The following CRADD variants were observed in gnomAD, a reference collection of about 807,000 sequenced individuals.
The protein encoded by CRADD is CARD and death domain containing adaptor protein, also known as death domain-containing protein CRADD.
CRADD carries 9 observed loss-of-function variants against 15.5 expected under a neutral mutation model. The ratio of observed to expected loss-of-function variants is 0.58; its 90% CI spans 0.35 to 1.01. The LOEUF (loss-of-function observed/expected upper bound fraction) is 1.01. Ranked by LOEUF, CRADD falls within the 50% of genes least tolerant of loss-of-function variation. The pLI, the probability that CRADD is intolerant of heterozygous loss-of-function variation, is 0.02. For synonymous variants in CRADD, 118 were observed against 107.6 expected (o/e 1.10, Z -0.60); for missense variants, 227 against 250.3 (o/e 0.91, Z 0.63).
chr12:93,812,422 C>G (rs1433921592), intron 2 of CRADD, among the ~76,000 whole-genome samples: 4 of 151,914 alleles, frequency 2.6e-5, no homozygotes, highest in Non-Finnish European at 5.9e-5. Flanking sequence ...AATTCATAAT[C>G]CTAGCACTTT....
chr12:93,827,138 C>T (rs1379648620), intron 2 of CRADD, among the ~76,000 whole-genome samples: 2 of 152,178 alleles, frequency 1.3e-5, no homozygotes, highest in Non-Finnish European at 2.9e-5. Flanking sequence ...CACACTTATA[C>T]ACCCATGAAA....
chr12:93,803,471 A>G (rs1248021554), intron 2 of CRADD, among the ~76,000 whole-genome samples: 1 of 152,150 alleles, frequency 6.6e-6, no homozygotes, highest in Admixed American at 6.5e-5. Context: ...TATCTACTGT[A>G]GTTGAGGCCA....
At chr12:93,875,084 A>G (rs190493718) in intron 2 of CRADD, among the ~76,000 whole-genome samples, 6 of 152,128 alleles carry the variant, frequency 3.9e-5, no homozygotes, top group Admixed American at 1.3e-4. Context: ...TTTGTTTTAT[A>G]TATCTGGATG....
intron 2 of CRADD, among the ~76,000 whole-genome samples, chr12:93,696,224 C>T (rs997412132): frequency 2.0e-5 from 3 of 152,060 alleles, no homozygotes; most frequent in African/African-American, 7.2e-5. Flanking sequence ...CTTAGCAATC[C>T]CACTACTGGG....
intron 2 of CRADD, among the ~76,000 whole-genome samples, chr12:93,883,013 C>G (rs940684265): frequency 6.6e-6 from 1 of 152,102 alleles, no homozygotes; most frequent in South Asian, 2.1e-4. Flanking sequence ...AGTGGCAACA[C>G]GAAGAGACTT....
chr12:93,818,706 G>A lies in CRADD; in HGVS notation c.299-31264G>A, dbSNP rs57942655. ...GGAGTGTCCCCAGACCCCTGGCAGG[G>A]AGCAGACAGTGGCTGTTCTCTGACA... On this transcript the variant is annotated intron_variant, in intron 2 of 2. Transcript: ENST00000332896. Among the ~76,000 whole-genome samples the A allele has an allele frequency of 3.5e-3, 528 of 152,348 alleles. 2 individuals carry two copies. The highest frequency in any genetic ancestry group is 0.012 in the African/African-American group (489 of 41,584).
At chr12:93,811,831 C>T (rs181559271) in intron 2 of CRADD, among the ~76,000 whole-genome samples, 15 of 152,280 alleles carry the variant, frequency 9.9e-5, no homozygotes, top group East Asian at 1.9e-4. Flanking sequence ...CAAAAACCTG[C>T]GCACACAAAT....
intron 2 of CRADD, among the ~76,000 whole-genome samples, chr12:93,797,013 T>A (rs1957425971): frequency 6.6e-6 from 1 of 152,160 alleles, no homozygotes; most frequent in Non-Finnish European, 1.5e-5. Flanking sequence ...CTCCTCTTCC[T>A]TACAAATATT....
chr12:93,791,242 A>G (rs1378769667), intron 2 of CRADD, among the ~76,000 whole-genome samples: 1 of 152,194 alleles, frequency 6.6e-6, no homozygotes, highest in African/African-American at 2.4e-5. Flanking sequence ...AGCATCATTC[A>G]TAATAGCCAA....
intron 2 of CRADD, among the ~76,000 whole-genome samples, chr12:93,782,351 G>A (rs1424846740): frequency 6.7e-6 from 1 of 149,372 alleles, no homozygotes; most frequent in Non-Finnish European, 1.5e-5. Flanking sequence ...GTGGGGTTGG[G>A]GGAGGGGGGA....
At chr12:93,846,876 G>A (rs766467057) in intron 2 of CRADD, among the ~76,000 whole-genome samples, 8 of 152,118 alleles carry the variant, frequency 5.3e-5, no homozygotes, top group Non-Finnish European at 7.4e-5. Flanking sequence ...TGAGGCAGGC[G>A]GATCACAAGG....
chr12:93,868,746 A>G (rs1958392960), intron 2 of CRADD, among the ~76,000 whole-genome samples: 1 of 151,902 alleles, frequency 6.6e-6, no homozygotes, highest in Non-Finnish European at 1.5e-5. Context: ...AAACTGGAGG[A>G]GATATTATAC....
At chr12:93,694,025 A>G (rs1955638643) in intron 2 of CRADD, among the ~76,000 whole-genome samples, 1 of 152,150 alleles carries the variant, frequency 6.6e-6, no homozygotes, top group Admixed American at 6.5e-5. Flanking sequence ...TAAGGATACA[A>G]GAATAGAAAA....
chr12:93,893,867 T>C (rs1958593794), intron 2 of CRADD, among the ~76,000 whole-genome samples: 1 of 150,972 alleles, frequency 6.6e-6, no homozygotes, highest in Non-Finnish European at 1.5e-5. Flanking sequence ...ACCACTGCAC[T>C]CCAGCCTGGG....
chr12:93,695,070 G>A (rs930023023), intron 2 of CRADD, among the ~76,000 whole-genome samples: 1 of 152,176 alleles, frequency 6.6e-6, no homozygotes, highest in African/African-American at 2.4e-5. Flanking sequence ...TTCAAAATGT[G>A]CTACAAAGCT....
chr12:93,887,859 C>T (rs1437125518), intron 2 of CRADD, among the ~76,000 whole-genome samples: 1 of 152,136 alleles, frequency 6.6e-6, no homozygotes, highest in Non-Finnish European at 1.5e-5. Flanking sequence ...GCAGTCAAGT[C>T]AACAAGGAAT....
intron 2 of CRADD, among the ~76,000 whole-genome samples, chr12:93,711,055 C>CCCCCCTTTTT: frequency 5.7e-4 from 25 of 43,506 alleles, no homozygotes; most frequent in South Asian, 1.3e-3. Context: ...CCACCCCCGC[C>CCCCCCTTTTT]TTTTTTTTTT....
chr12:93,779,067 C>T (rs1957171292), intron 2 of CRADD, among the ~76,000 whole-genome samples: 2 of 152,142 alleles, frequency 1.3e-5, no homozygotes, highest in South Asian at 4.1e-4. Context: ...TTTTATTTTG[C>T]TGGATTCTGA....
intron 2 of CRADD, among the ~76,000 whole-genome samples, chr12:93,830,046 G>A (rs1957875089): frequency 6.6e-6 from 1 of 152,162 alleles, no homozygotes; most frequent in Admixed American, 6.6e-5. Context: ...AATGCTGGGT[G>A]CACAGGAAAT....
Sources: gnomAD v4.1 joint callset for allele counts (sites outside exome capture counted in the v4.1 genomes callset) on GRCh38, gnomAD v4.1.1 for gene constraint, MANE v1.5 for transcripts, NCBI Gene and HGNC (gene_info 2026-07-23, HGNC 2026-07-21) for gene names.